Variants in ZNF81 observed in about 807,000 individuals in gnomAD.
ZNF81 encodes zinc finger protein 81, also known as zinc finger protein 81 (HFZ20).
ZNF81 carries 5 observed loss-of-function variants against 32.3 expected under a neutral mutation model. That is an observed-to-expected ratio of 0.15 (90% CI 0.08 to 0.33). The LOEUF is 0.33. Among genes scored for constraint, ZNF81 ranks in the 10% least tolerant of loss-of-function variants. The pLI, the probability that ZNF81 is intolerant of heterozygous loss-of-function variation, is 1.00. For synonymous variants in ZNF81, 163 were observed against 166.8 expected (o/e 0.98, Z 0.17); for missense variants, 379 against 479.8 (o/e 0.79, Z 1.96).
chrX:47,863,528 A>G (rs1556882869), intron 2 of ZNF81, among the ~76,000 whole-genome samples: 2 of 112,234 alleles, frequency 1.8e-5, no homozygotes, highest in African/African-American at 6.5e-5. Flanking sequence ...CCTGCCATCT[A>G]CCTGAAAGCT....
intron 2 of ZNF81, among the ~76,000 whole-genome samples, chrX:47,854,897 C>T (rs2058510091): frequency 9.0e-6 from 1 of 111,030 alleles, no homozygotes; most frequent in African/African-American, 3.3e-5. Flanking sequence ...AGTTCGAGAC[C>T]AGCCTGGCCA....
At chrX:47,840,503 C>CTTTTTTTTTTTTTTTTTTTTTTTT (rs1225455438) in intron 1 of ZNF81, among the ~76,000 whole-genome samples, 2 of 102,121 alleles carry the variant, frequency 2.0e-5, no homozygotes, top group Non-Finnish European at 4.0e-5. Context: ...TTTTCTTTTT[C>CTTTTTTTTTTTTTTTTTTTTTTTT]TTTTTTTTTT....
chrX:47,886,179 C>T (rs2058640976), intron 2 of ZNF81, among the ~76,000 whole-genome samples: 1 of 112,396 alleles, frequency 8.9e-6, no homozygotes, highest in South Asian at 3.7e-4. Context: ...AGGTCAGTCT[C>T]TGAGTGCATT....
In ZNF81 at chrX:47,924,694, A is replaced by G. The variant is rs1300839444; in HGVS notation, c.*8062A>G. On this transcript the variant is annotated 3_prime_UTR_variant, in exon 5 of 5. Transcript: ENST00000338637. ...TCATGTTCTTCATGTTTAGACATTA[A>G]CAAGCAATTTGCTCAGATTTATTTA... Among the ~76,000 whole-genome samples the G allele has an allele frequency of 9.0e-6, 1 of 111,727 alleles. No homozygotes were observed. The highest frequency in any genetic ancestry group is 1.9e-5 in the Non-Finnish European group (1 of 53,100).
intron 4 of ZNF81, among the ~76,000 whole-genome samples, chrX:47,902,531 C>T (rs1028137530): frequency 6.3e-5 from 7 of 111,873 alleles, no homozygotes; most frequent in African/African-American, 3.3e-5. Context: ...GGCACATTCA[C>T]CAGAATAGAC....
At chrX:47,909,593 T>C (rs371955110) in intron 4 of ZNF81, among the ~76,000 whole-genome samples, 80 of 109,960 alleles carry the variant, frequency 7.3e-4, no homozygotes, top group African/African-American at 2.6e-3. Flanking sequence ...TTATTGAGGC[T>C]TTTTTTTCTT....
chrX:47,840,816 T>G, intron 1 of ZNF81: 4 of 344,824 alleles, frequency 1.2e-5, no homozygotes, highest in Non-Finnish European at 5.1e-6. Flanking sequence ...CGAGCTACTG[T>G]CTTTTCTTTG....
At chrX:47,877,473 C>G (rs1261640977) in intron 2 of ZNF81, among the ~76,000 whole-genome samples, 1 of 112,085 alleles carries the variant, frequency 8.9e-6, no homozygotes, top group Non-Finnish European at 1.9e-5. Flanking sequence ...TTCCCATTTA[C>G]TTTCAGTTTC....
chrX:47,841,327 T>C, intron 1 of ZNF81: 1 of 637,346 alleles, frequency 1.6e-6, no homozygotes, highest in Non-Finnish European at 2.6e-6. Flanking sequence ...TTTTAGGTTC[T>C]GGGAGGTAAC....
intron 2 of ZNF81, among the ~76,000 whole-genome samples, chrX:47,878,534 C>T (rs1193646111): frequency 2.7e-5 from 3 of 112,470 alleles, no homozygotes; most frequent in Admixed American, 9.3e-5. Flanking sequence ...CTGACCATCA[C>T]ATTGGTGAGG....
At chrX:47,889,179 G>A (rs1556886201) in intron 3 of ZNF81, among the ~76,000 whole-genome samples, 2 of 112,204 alleles carry the variant, frequency 1.8e-5, no homozygotes, top group African/African-American at 6.5e-5. Flanking sequence ...AACACCAAGG[G>A]TGTGTCTGGA....
chrX:47,851,539 AT>A (rs1309579085), intron 2 of ZNF81, among the ~76,000 whole-genome samples: 7 of 111,611 alleles, frequency 6.3e-5, no homozygotes, highest in Non-Finnish European at 1.3e-4. Flanking sequence ...CATTTATATG[AT>A]TTTTTTCTGA....
At chrX:47,898,374 G>A (rs1180774397) in intron 4 of ZNF81, among the ~76,000 whole-genome samples, 1 of 111,332 alleles carries the variant, frequency 9.0e-6, no homozygotes, top group Non-Finnish European at 1.9e-5. Context: ...AGTCTCTCCA[G>A]GATCAGTTAA....
intron 3 of ZNF81, among the ~76,000 whole-genome samples, chrX:47,889,202 A>G (rs1248165719): frequency 8.9e-6 from 1 of 112,254 alleles, no homozygotes; most frequent in Non-Finnish European, 1.9e-5. Flanking sequence ...ACCGATTACT[A>G]AAGAGATTAG....
intron 4 of ZNF81, among the ~76,000 whole-genome samples, chrX:47,896,663 A>G (rs1350692710): frequency 8.9e-6 from 1 of 111,896 alleles, no homozygotes; most frequent in Non-Finnish European, 1.9e-5. Context: ...AAAGATATAC[A>G]CCAGTGTAAC....
At chrX:47,839,957 A>G (rs1569370684) in intron 1 of ZNF81, among the ~76,000 whole-genome samples, 1 of 110,501 alleles carries the variant, frequency 9.0e-6, no homozygotes, top group Non-Finnish European at 1.9e-5. Context: ...CTCATCAGCT[A>G]TCGTTAGTGT....
intron 4 of ZNF81, among the ~76,000 whole-genome samples, chrX:47,912,059 G>A (rs947002159): frequency 1.9e-5 from 2 of 104,049 alleles, no homozygotes; most frequent in African/African-American, 4.2e-5. Context: ...AGAATCGGGG[G>A]CTCAGGAGAG....
chrX:47,906,797 A>G (rs1478626250), intron 4 of ZNF81, among the ~76,000 whole-genome samples: 1 of 112,733 alleles, frequency 8.9e-6, no homozygotes, highest in Non-Finnish European at 1.9e-5. Flanking sequence ...AGCCTAGGCG[A>G]CAGAGCGAGA....
intron 2 of ZNF81, among the ~76,000 whole-genome samples, chrX:47,865,746 A>G (rs1014502970): frequency 1.8e-5 from 2 of 111,761 alleles, no homozygotes; most frequent in African/African-American, 6.5e-5. Context: ...GCTTTCTTTT[A>G]GGTGTGATGT....
Sources: gnomAD v4.1 joint callset for allele counts (sites outside exome capture counted in the v4.1 genomes callset) on GRCh38, gnomAD v4.1.1 for gene constraint, MANE v1.5 for transcripts, NCBI Gene and HGNC (gene_info 2026-07-23, HGNC 2026-07-21) for gene names.